Variants in XRRA1 observed in about 807,000 individuals in gnomAD.
The protein encoded by XRRA1 is X-ray radiation resistance associated 1, also known as X-ray radiation resistance-associated protein 1.
A neutral mutation model predicts 80.2 loss-of-function variants in XRRA1; 69 were observed. That is an observed-to-expected ratio of 0.86 (90% CI 0.71 to 1.05). The LOEUF (loss-of-function observed/expected upper bound fraction) is 1.05. XRRA1 is among the 50% of genes least tolerant of loss of function. The pLI is 0.00. For synonymous variants in XRRA1, 348 were observed against 389.9 expected, an observed-to-expected ratio of 0.89 and a Z score of 1.27; for missense variants, 967 against 976.4, an observed-to-expected ratio of 0.99 and a Z score of 0.13.
chr11:74,861,033 T>G (rs964141649), intron 11 of XRRA1, among the ~76,000 whole-genome samples: 10 of 152,202 alleles, frequency 6.6e-5, no homozygotes, highest in African/African-American at 2.4e-4. Flanking sequence ...AGGTGGCCAG[T>G]GAGCCTCCAA....
At chr11:74,866,764 G>T (rs1268264155) in intron 10 of XRRA1, among the ~76,000 whole-genome samples, 1 of 151,770 alleles carries the variant, frequency 6.6e-6, no homozygotes, top group Non-Finnish European at 1.5e-5. Flanking sequence ...AGGAATCAGT[G>T]AGCTCAAAGA....
At chr11:74,930,193 G>A (rs1943192180) in intron 6 of XRRA1, 107 bp downstream of exon 6, 2 of 948,764 alleles carry the variant, frequency 2.1e-6, no homozygotes, top group South Asian at 1.5e-5. Flanking sequence ...CTCCAAAAAA[G>A]AGATGTGTGG....
chr11:74,926,059 T>C (rs577219583), intron 7 of XRRA1, among the ~76,000 whole-genome samples: 2 of 152,188 alleles, frequency 1.3e-5, no homozygotes, highest in African/African-American at 2.4e-5. Flanking sequence ...AAACTTACTT[T>C]CTCTCTATTT....
intron 10 of XRRA1, among the ~76,000 whole-genome samples, chr11:74,886,819 C>T (rs1037071864): frequency 4.6e-5 from 7 of 152,192 alleles, no homozygotes; most frequent in African/African-American, 1.7e-4. Flanking sequence ...TAAAACTATA[C>T]TACAAGGCTA....
rs1236770018 is a variant in XRRA1 at position 74,843,459 on chromosome 11, G to A, written c.2150-6C>T. 1 of 1,609,840 alleles carries A rather than the reference G, an allele frequency of 6.2e-7. No homozygotes were observed. Among genetic ancestry groups the A allele is most frequent in the Non-Finnish European group, 8.5e-7 (1 of 1,178,212 alleles). On this transcript the variant is annotated splice_region_variant and splice_polypyrimidine_tract_variant and intron_variant, in intron 18 of 18. Transcript: ENST00000684022. ...CCACTGGTGCAGGACAGCACCTGCA[G>A]GAAAAGAAGCCAGGAGAGGCACCAA...
intron 10 of XRRA1, among the ~76,000 whole-genome samples, chr11:74,882,922 G>C (rs1393715924): frequency 6.6e-6 from 1 of 152,230 alleles, no homozygotes; most frequent in Admixed American, 6.5e-5. Context: ...AAAGCTGTCA[G>C]ACAGGGACAT....
At chr11:74,894,888 A>G (rs950667564) in intron 10 of XRRA1, among the ~76,000 whole-genome samples, 4 of 152,270 alleles carry the variant, frequency 2.6e-5, no homozygotes, top group African/African-American at 9.6e-5. Flanking sequence ...TGAAATACCA[A>G]TTCATAGAAG....
At chr11:74,896,987 T>G (rs1398902240) in intron 10 of XRRA1, among the ~76,000 whole-genome samples, 1 of 152,026 alleles carries the variant, frequency 6.6e-6, no homozygotes, top group Non-Finnish European at 1.5e-5. Flanking sequence ...AGTGTCAACA[T>G]GATCCAGGAA....
At chr11:74,907,361 T>G (rs1462165645) in intron 8 of XRRA1, 88 bp from the exon 9 acceptor site, 11 of 1,539,626 alleles carry the variant, frequency 7.1e-6, no homozygotes, top group Non-Finnish European at 8.8e-6. Flanking sequence ...GGGAATCAAT[T>G]AGGAGGACTA....
Position 74,843,143 on chromosome 11 carries a change from C to T in XRRA1, c.*57G>A, listed in dbSNP as rs1332052160. On this transcript the variant is annotated 3_prime_UTR_variant, in exon 19 of 19. Transcript: ENST00000684022. Reference sequence around the variant, plus strand: ...TTGAGGTGCGGTCCAGGGCACAGAGCCCTCGGGGAGAGCTGGGGCACAGGC... The same window carrying T: ...TTGAGGTGCGGTCCAGGGCACAGAGTCCTCGGGGAGAGCTGGGGCACAGGC... 2.0e-6 allele frequency: 3 copies of T among 1,503,834 alleles called. No individual in the cohort carries two copies. The highest frequency in any genetic ancestry group is 2.0e-5 in the Admixed American group (1 of 49,300). 93.2% of individuals were successfully genotyped at this position (1,503,834 alleles called of 1,614,324 possible). A position where few individuals can be genotyped will look rare whatever the true frequency, so the allele number is the denominator to read the frequency against.
intron 10 of XRRA1, among the ~76,000 whole-genome samples, chr11:74,891,487 C>T (rs1220440215): frequency 1.3e-5 from 2 of 152,166 alleles, no homozygotes; most frequent in African/African-American, 4.8e-5. Flanking sequence ...CCTTTGAAAA[C>T]TGGCACAAGA....
chr11:74,933,566 T>C (rs945188005), intron 5 of XRRA1: 1 of 410,546 alleles, frequency 2.4e-6, no homozygotes, highest in Non-Finnish European at 4.5e-6. Context: ...CATAAGGCAA[T>C]TTTCTTTAAT....
chr11:74,892,247 G>A (rs1360984975), intron 10 of XRRA1, among the ~76,000 whole-genome samples: 1 of 151,996 alleles, frequency 6.6e-6, no homozygotes, highest in Non-Finnish European at 1.5e-5. Flanking sequence ...CAGAAATAAC[G>A]CTGCATATCT....
At chr11:74,865,421 AG>A (rs762580851) in intron 10 of XRRA1, among the ~76,000 whole-genome samples, 1 of 152,184 alleles carries the variant, frequency 6.6e-6, no homozygotes, top group Non-Finnish European at 1.5e-5. Context: ...GCAGATCCCA[AG>A]GGGGCCTATG....
At chr11:74,870,732 C>T (rs767999876) in intron 10 of XRRA1, among the ~76,000 whole-genome samples, 1 of 152,158 alleles carries the variant, frequency 6.6e-6, no homozygotes, top group Non-Finnish European at 1.5e-5. Flanking sequence ...TGCCTAAACA[C>T]TCTAGTTTTC....
At chr11:74,939,525 C>T (rs1312555472) in intron 3 of XRRA1, among the ~76,000 whole-genome samples, 1 of 152,182 alleles carries the variant, frequency 6.6e-6, no homozygotes, top group African/African-American at 2.4e-5. Flanking sequence ...AAGTCAGCTG[C>T]GTCCTTTCAA....
At chr11:74,881,560 G>C (rs1400923198) in intron 10 of XRRA1, among the ~76,000 whole-genome samples, 1 of 151,310 alleles carries the variant, frequency 6.6e-6, no homozygotes, top group Admixed American at 6.6e-5. Context: ...TCCTAGTCTC[G>C]ATGGTCTTTA....
At chr11:74,932,489 T>C (rs1565434921) in intron 5 of XRRA1, among the ~76,000 whole-genome samples, 1 of 152,176 alleles carries the variant, frequency 6.6e-6, no homozygotes. Context: ...GGGCAGGCAG[T>C]GTCTGAGCCA....
At chr11:74,927,312 G>T in intron 7 of XRRA1, 79 bp downstream of exon 7, 1 of 598,482 alleles carries the variant, frequency 1.7e-6, no homozygotes, top group Non-Finnish European at 2.7e-6. Context: ...CTTCCCAACA[G>T]TTATAATCAG....
Sources: allele counts gnomAD v4.1 joint callset (sites outside exome capture counted in the v4.1 genomes callset), GRCh38; gene constraint gnomAD v4.1.1; transcripts MANE v1.5; gene names NCBI Gene and HGNC (gene_info 2026-07-23, HGNC 2026-07-21).